The following LRRN3 variants were observed in gnomAD, a reference collection of about 807,000 sequenced individuals.
LRRN3 encodes leucine-rich repeat neuronal protein 3.
In LRRN3, 15 loss-of-function variants were observed where a neutral mutation model predicts 40.1. The ratio of observed to expected loss-of-function variants is 0.37; its 90% confidence interval spans 0.25 to 0.58. The LOEUF is 0.58. Ranked by LOEUF, LRRN3 falls within the 20% of genes least tolerant of loss-of-function variation. The probability of loss-of-function intolerance (pLI) is 0.72; values close to 1 mark genes in which losing one functional copy is unlikely to be tolerated. For synonymous variants in LRRN3, 308 were observed against 297.2 expected, an observed-to-expected ratio of 1.04 and a Z score of -0.37; for missense variants, 746 against 837.7, an observed-to-expected ratio of 0.89 and a Z score of 1.35.
Position 111,124,509 on chromosome 7 carries a change from T to C in LRRN3, c.1737T>C (p.Asn579=), listed in dbSNP as rs1364634153. Residue 579 remains asparagine, a synonymous_variant, in exon 3 of 3, where the codon AAT becomes AAC. Transcript: ENST00000308478. ...TACCATCTGATGTCAAGGTATATAA[T>C]CTTACTCATCTGAATCCATCAACTG... is the stretch of plus-strand genomic sequence containing the variant. The part of the protein sequence containing the change: ...ARIPSDVKVY[N]LTHLNPSTEY... 6.2e-7 allele frequency: 1 copy of C among 1,613,794 alleles called. No individual in the cohort carries two copies. Among genetic ancestry groups the C allele is most frequent in the African/African-American group, 1.3e-5 (1 of 74,932 alleles).
At position 111,116,990 on chromosome 7, in the gene LRRN3, T is replaced by G. The variant is rs1017424263; in HGVS notation, c.-358-5425T>G. ...CTAATCGAGGCAATTTACTTCCTAC[T>G]GGTTAGTCTGCCTTAATTTAATGAT... On this transcript the variant is annotated intron_variant, in intron 2 of 2. Transcript: ENST00000308478. 2.0e-5 allele frequency among the ~76,000 whole-genome samples: 3 copies of G among 152,182 alleles called. No homozygotes were observed. The South Asian group carries it at 6.2e-4, about 31-fold the overall frequency.
intron 2 of LRRN3, among the ~76,000 whole-genome samples, chr7:111,102,393 A>T (rs763472927): frequency 1.3e-5 from 2 of 151,518 alleles, no homozygotes; most frequent in Non-Finnish European, 3.0e-5. Context: ...GGAACCTCTT[A>T]GCTGCTGGAG....
chr7:111,095,611 T>A, intron 1 of LRRN3, among the ~76,000 whole-genome samples: 1 of 151,922 alleles, frequency 6.6e-6, no homozygotes, highest in East Asian at 1.9e-4. Flanking sequence ...TCATAAAAAT[T>A]AGAGTTTTGC....
intron 1 of LRRN3, among the ~76,000 whole-genome samples, chr7:111,096,461 T>C (rs1450129390): frequency 2.6e-5 from 4 of 151,730 alleles, no homozygotes; most frequent in Non-Finnish European, 1.5e-5. Flanking sequence ...ATTAAAATCT[T>C]TATTTCTTAA....
intron 2 of LRRN3, among the ~76,000 whole-genome samples, chr7:111,111,711 C>T (rs2129583828): frequency 6.6e-6 from 1 of 151,938 alleles, no homozygotes; most frequent in Non-Finnish European, 1.5e-5. Context: ...TTGTAGGCAA[C>T]CAAATTTTGC....
chr7:111,112,515 C>T (rs746682309), intron 2 of LRRN3, among the ~76,000 whole-genome samples: 20 of 152,134 alleles, frequency 1.3e-4, no homozygotes, highest in Non-Finnish European at 2.8e-4. Context: ...ATAAATATGG[C>T]CTCCATGTCT....
At position 111,124,100 on chromosome 7, in the gene LRRN3, A is replaced by T. The variant is rs1204889970; in HGVS notation, c.1328A>T (p.His443Leu). The change falls in exon 3 of 3, where the codon CAC becomes CTC. Residue 443 changes from histidine (H) to leucine (L), a missense_variant. By Grantham distance (99) the His-to-Leu change is moderately conservative. Transcript: ENST00000308478. ...NVEAGSYVSF[H>L]CRATAEPQPE... ...GAAGCTGGGAGCTATGTTTCCTTTC[A>T]CTGTAGAGCTACTGCAGAACCACAG... is the stretch of plus-strand genomic sequence containing the variant. 6.2e-7 allele frequency: 1 copy of T among 1,613,980 alleles called. No homozygotes were observed. Among genetic ancestry groups the T allele is most frequent in the East Asian group, 2.2e-5 (1 of 44,874 alleles).
chr7:111,107,799 T>C (rs985889592), intron 2 of LRRN3, among the ~76,000 whole-genome samples: 13 of 152,130 alleles, frequency 8.5e-5, no homozygotes, highest in Non-Finnish European at 1.5e-5. Flanking sequence ...TGTTGCAACA[T>C]TTCAAAGCTC....
chr7:111,101,153 C>T (rs893420190), intron 2 of LRRN3, among the ~76,000 whole-genome samples: 1 of 151,440 alleles, frequency 6.6e-6, no homozygotes, highest in African/African-American at 2.4e-5. Context: ...AAGCAATCTG[C>T]TGCTCTGGAT....
chr7:111,119,491 A>G (rs1586400817), intron 2 of LRRN3, among the ~76,000 whole-genome samples: 1 of 152,368 alleles, frequency 6.6e-6, no homozygotes, highest in East Asian at 1.9e-4. Context: ...AAGCACAGAT[A>G]TAATAGATTA....
intron 2 of LRRN3, among the ~76,000 whole-genome samples, chr7:111,106,160 G>A (rs1798527364): frequency 6.6e-6 from 1 of 151,904 alleles, no homozygotes; most frequent in Non-Finnish European, 1.5e-5. Context: ...GCACCTACAT[G>A]CTAAATAAAA....
At chr7:111,113,251 A>G (rs920862407) in intron 2 of LRRN3, among the ~76,000 whole-genome samples, 1 of 152,190 alleles carries the variant, frequency 6.6e-6, no homozygotes, top group Non-Finnish European at 1.5e-5. Context: ...TATTCTGTCA[A>G]ACTGAGTTAA....
chr7:111,120,812 C>T (rs1586410980), intron 2 of LRRN3, among the ~76,000 whole-genome samples: 1 of 152,152 alleles, frequency 6.6e-6, no homozygotes, highest in Middle Eastern at 3.4e-3. Context: ...GCTTACTTAA[C>T]ATTTTATAAT....
chr7:111,102,220 T>A (rs2129580386), intron 2 of LRRN3, among the ~76,000 whole-genome samples: 1 of 151,692 alleles, frequency 6.6e-6, no homozygotes, highest in Admixed American at 6.6e-5. Flanking sequence ...ACCCAGTGGG[T>A]ATTTCATAGC....
intron 1 of LRRN3, among the ~76,000 whole-genome samples, chr7:111,098,799 G>C (rs898203143): frequency 7.2e-5 from 11 of 151,738 alleles, no homozygotes; most frequent in Admixed American, 5.9e-4. Flanking sequence ...ACCTAGGTTA[G>C]TTAGCTCGAA....
chr7:111,122,892 G>T lies in LRRN3; in HGVS notation c.120G>T (p.Trp40Cys). 1 of 1,614,006 alleles carries T rather than the reference G, an allele frequency of 6.2e-7. No individual in the cohort carries two copies. Among genetic ancestry groups the T allele is most frequent in the Non-Finnish European group, 8.5e-7 (1 of 1,179,940 alleles). Reference sequence around the variant, plus strand: ...TATGTACGTGTGAAATCAGGCCTTGGTTTACACCCAGATCCATTTATATGG... The same window carrying T: ...TATGTACGTGTGAAATCAGGCCTTGTTTTACACCCAGATCCATTTATATGG... Reference protein sequence around the residue: ...PRLCTCEIRPWFTPRSIYMEA... With the variant: ...PRLCTCEIRPCFTPRSIYMEA... The change falls in exon 3 of 3, where the codon TGG becomes TGT. Residue 40 changes from tryptophan (W) to cysteine (C), a missense_variant. Transcript: ENST00000308478.
intron 1 of LRRN3, among the ~76,000 whole-genome samples, chr7:111,094,504 G>T (rs1797200202): frequency 6.6e-6 from 1 of 152,166 alleles, no homozygotes; most frequent in African/African-American, 2.4e-5. Context: ...CTGGTTCTGA[G>T]AGTTTAGCTA....
At chr7:111,121,634 G>A (rs1273795273) in intron 2 of LRRN3, among the ~76,000 whole-genome samples, 7 of 152,132 alleles carry the variant, frequency 4.6e-5, no homozygotes, top group Non-Finnish European at 8.8e-5. Context: ...TGTTGGTGGG[G>A]CTGTAAACTA....
intron 2 of LRRN3, among the ~76,000 whole-genome samples, chr7:111,103,450 C>A (rs1798197930): frequency 6.6e-6 from 1 of 151,580 alleles, no homozygotes; most frequent in Non-Finnish European, 1.5e-5. Flanking sequence ...TAAGACATGT[C>A]ATATAACTAA....
Sources: gnomAD v4.1 joint callset for allele counts (sites outside exome capture counted in the v4.1 genomes callset) on GRCh38, gnomAD v4.1.1 for gene constraint, MANE v1.5 for transcripts, NCBI Gene and HGNC (gene_info 2026-07-23, HGNC 2026-07-21) for gene names.